GBE1: variants seen among roughly 807,000 people sequenced by gnomAD.
GBE1 encodes 1,4-alpha-glucan-branching enzyme.
GBE1 carries 70 observed loss-of-function variants against 88.8 expected under a neutral mutation model. The observed-to-expected ratio is 0.79, with a 90% CI of 0.65 to 0.96. The LOEUF is 0.96. Among genes scored for constraint, GBE1 ranks in the 40% least tolerant of loss-of-function variants. GBE1 has a pLI of 0.00. For synonymous variants in GBE1, 284 were observed against 300.1 expected (o/e 0.95, Z 0.56); for missense variants, 872 against 871.0 (o/e 1.00, Z -0.01).
In GBE1 at chr3:81,761,426, A is replaced by T; in HGVS notation, c.92T>A (p.Leu31His). The T allele has an allele frequency of 2.5e-6, 4 of 1,613,606 alleles. No homozygotes were observed. Among genetic ancestry groups the T allele is most frequent in the Non-Finnish European group, 3.4e-6 (4 of 1,179,686 alleles). ...ALADVPELAR[L>H]LEIDPYLKPY... is the part of the protein sequence containing the mutation. The stretch of plus-strand genomic sequence containing the variant: ...CTTCAAGTACGGGTCGATCTCCAGG[A>T]GTCTGGCCAGTTCGGGCACGTCAGC... The change falls in exon 1 of 16, where the codon CTC (leucine) becomes CAC (histidine). Residue 31 changes from leucine (L) to histidine (H), a missense_variant. Transcript: ENST00000429644.
At chr3:81,703,744 A>C (rs1705734119) in intron 2 of GBE1, among the ~76,000 whole-genome samples, 1 of 152,024 alleles carries the variant, frequency 6.6e-6, no homozygotes, top group Non-Finnish European at 1.5e-5. Context: ...TTTGGAAAAG[A>C]AAAGTGGATG....
intron 7 of GBE1, among the ~76,000 whole-genome samples, chr3:81,638,776 A>T (rs1300719472): frequency 6.6e-6 from 1 of 152,196 alleles, no homozygotes; most frequent in Non-Finnish European, 1.5e-5. Context: ...AGAGTAAGAG[A>T]TTTAATTCTG....
chr3:81,724,455 T>G (rs1454813417), intron 1 of GBE1, among the ~76,000 whole-genome samples: 2 of 152,148 alleles, frequency 1.3e-5, no homozygotes, highest in Non-Finnish European at 2.9e-5. Flanking sequence ...TCTAATCAAA[T>G]TCACCCCTGC....
chr3:81,588,980 T>C (rs971665011), intron 9 of GBE1, among the ~76,000 whole-genome samples: 1 of 152,088 alleles, frequency 6.6e-6, no homozygotes, highest in Non-Finnish European at 1.5e-5. Context: ...ATATGAGTTG[T>C]TTCAGCCCTC....
At chr3:81,667,914 T>C (rs1050186559) in intron 3 of GBE1, among the ~76,000 whole-genome samples, 1 of 152,232 alleles carries the variant, frequency 6.6e-6, no homozygotes, top group Non-Finnish European at 1.5e-5. Flanking sequence ...TAAAGACACA[T>C]GGTCATATAT....
chr3:81,574,228 T>C (rs1165835422), intron 12 of GBE1, among the ~76,000 whole-genome samples: 1 of 152,172 alleles, frequency 6.6e-6, no homozygotes, highest in East Asian at 1.9e-4. Flanking sequence ...AAAACACAAT[T>C]AAATGGAATT....
At chr3:81,705,675 GTAAT>G in intron 1 of GBE1, 62 bp from the exon 2 acceptor site, 1 of 1,082,250 alleles carries the variant, frequency 9.2e-7, no homozygotes, top group Non-Finnish European at 1.3e-6. Context: ...AAAAGCTACT[GTAAT>G]TAAGTAACTG....
intron 12 of GBE1, among the ~76,000 whole-genome samples, chr3:81,570,739 T>C (rs374169960): frequency 2.0e-5 from 3 of 152,166 alleles, no homozygotes; most frequent in Non-Finnish European, 4.4e-5. Flanking sequence ...AGTTCATTGA[T>C]CATGTGTATA....
chr3:81,670,492 T>C (rs555789122), intron 3 of GBE1, among the ~76,000 whole-genome samples: 14 of 152,320 alleles, frequency 9.2e-5, no homozygotes, highest in African/African-American at 2.6e-4. Context: ...CCTCTCTACA[T>C]TGGCTGATTT....
intron 2 of GBE1, among the ~76,000 whole-genome samples, chr3:81,684,783 A>G (rs75863736): frequency 6.6e-6 from 1 of 152,210 alleles, no homozygotes; most frequent in Non-Finnish European, 1.5e-5. Flanking sequence ...TCACTAGTAC[A>G]TTTTTGCAAG....
At chr3:81,612,221 A>T (rs1704190768) in intron 7 of GBE1, 1 of 116,318 alleles carries the variant, frequency 8.6e-6, no homozygotes, top group Non-Finnish European at 1.2e-5. Context: ...ACGCTCCTTT[A>T]AAAAAAAAAA....
intron 2 of GBE1, among the ~76,000 whole-genome samples, chr3:81,680,040 A>C (rs908485861): frequency 3.9e-5 from 6 of 152,200 alleles, no homozygotes; most frequent in African/African-American, 1.4e-4. Context: ...TCAGTTCTAA[A>C]AAGTGCTCCA....
At position 81,750,567 on chromosome 3, in the gene GBE1, A is replaced by G. The variant is rs59651251; in HGVS notation, c.143+10808T>C. ...TATATATATGTATATATATATGTAT[A>G]TATATATACGTATATATATACGTAT... On this transcript the variant is annotated intron_variant, in intron 1 of 15. Transcript: ENST00000429644. 5.2e-4 allele frequency among the ~76,000 whole-genome samples: 36 copies of G among 69,856 alleles called. 3 individuals carry two copies. The highest frequency in any genetic ancestry group is 3.9e-3 in the Admixed American group (26 of 6,674). The allele number at this position is 69,856 out of a possible 152,430, so 45.8% of individuals were successfully genotyped here. A position where few individuals can be genotyped will look rare whatever the true frequency, so the allele number is the denominator to read the frequency against.
At chr3:81,541,452 C>CA (rs1304954964) in intron 12 of GBE1, among the ~76,000 whole-genome samples, 2 of 150,280 alleles carry the variant, frequency 1.3e-5, no homozygotes, top group Non-Finnish European at 3.0e-5. Flanking sequence ...TGCAAGTTGC[C>CA]CCCCCCGCCA....
intron 12 of GBE1, among the ~76,000 whole-genome samples, chr3:81,566,020 C>T (rs568089654): frequency 3.3e-5 from 5 of 152,004 alleles, no homozygotes; most frequent in African/African-American, 1.2e-4. Context: ...CAGCAGCAGC[C>T]CCATTCGGGT....
chr3:81,712,291 C>A (rs62267088), intron 1 of GBE1, among the ~76,000 whole-genome samples: 18,812 of 152,224 alleles, frequency 0.12, 1,329 homozygotes, highest in Non-Finnish European at 0.17. Flanking sequence ...ACCCAGCCAT[C>A]CCATTATTGG....
At chr3:81,541,170 G>A (rs1479863622) in intron 12 of GBE1, among the ~76,000 whole-genome samples, 2 of 151,932 alleles carry the variant, frequency 1.3e-5, no homozygotes, top group Non-Finnish European at 1.5e-5. Flanking sequence ...TTGTAGTGGA[G>A]TTTTCAATAG....
At chr3:81,625,224 T>C (rs1704396458) in intron 7 of GBE1, among the ~76,000 whole-genome samples, 1 of 152,138 alleles carries the variant, frequency 6.6e-6, no homozygotes, top group African/African-American at 2.4e-5. Context: ...GTTAAGAGAA[T>C]ACTATCTAAG....
At chr3:81,683,773 T>G (rs1705392642) in intron 2 of GBE1, among the ~76,000 whole-genome samples, 1 of 152,182 alleles carries the variant, frequency 6.6e-6, no homozygotes, top group Non-Finnish European at 1.5e-5. Flanking sequence ...TATGTTATTA[T>G]TTAAGAAACC....
Sources: allele counts gnomAD v4.1 joint callset (sites outside exome capture counted in the v4.1 genomes callset), GRCh38; gene constraint gnomAD v4.1.1; transcripts MANE v1.5; gene names NCBI Gene and HGNC (gene_info 2026-07-23, HGNC 2026-07-21).